Variants in SPATA7 observed in about 807,000 individuals in gnomAD.
The protein encoded by SPATA7 is spermatogenesis-associated protein 7.
A neutral mutation model predicts 51.8 loss-of-function variants in SPATA7; 43 were observed. The observed-to-expected ratio is 0.83, with a 90% CI of 0.65 to 1.07. The LOEUF (loss-of-function observed/expected upper bound fraction) is 1.07, where lower values mean the gene tolerates loss of function less well. Among genes scored for constraint, SPATA7 ranks in the 50% least tolerant of loss-of-function variants. The probability of loss-of-function intolerance (pLI) is 0.00; values close to 1 mark genes in which losing one functional copy is unlikely to be tolerated. For missense variants in SPATA7, 683 were observed against 701.3 expected, an observed-to-expected ratio of 0.97 and a Z score of 0.30; for synonymous variants, 230 against 252.8, an observed-to-expected ratio of 0.91 and a Z score of 0.86.
chr14:88,425,144 C>G (rs1003274225), intron 5 of SPATA7, among the ~76,000 whole-genome samples: 1 of 152,132 alleles, frequency 6.6e-6, no homozygotes, highest in Non-Finnish European at 1.5e-5. Context: ...AATAATTGTA[C>G]TACCTCTCAG....
chr14:88,429,257 C>G, intron 7 of SPATA7, 91 bp from the exon 8 acceptor site: 1 of 718,270 alleles, frequency 1.4e-6, no homozygotes, highest in South Asian at 1.5e-5. Flanking sequence ...CTGGATATCT[C>G]TGTTCAATCA....
At chr14:88,464,497 G>A (rs1287854221) in intron 4 of SPATA7, among the ~76,000 whole-genome samples, 2 of 152,050 alleles carry the variant, frequency 1.3e-5, no homozygotes, top group African/African-American at 2.4e-5. Context: ...TTGGGAGGCC[G>A]ATGCTGGCAG....
At chr14:88,461,851 G>A (rs963987852) in intron 4 of SPATA7, among the ~76,000 whole-genome samples, 2 of 152,128 alleles carry the variant, frequency 1.3e-5, no homozygotes, top group Non-Finnish European at 1.5e-5. Context: ...TCTTGGAACC[G>A]CAAACAGTAT....
chr14:88,400,011 C>A (rs1309706637), intron 4 of SPATA7, among the ~76,000 whole-genome samples: 1 of 152,136 alleles, frequency 6.6e-6, no homozygotes, highest in Non-Finnish European at 1.5e-5. Flanking sequence ...GACCTTTATA[C>A]CCTATTGAAG....
At chr14:88,434,662 G>T in intron 10 of SPATA7, among the ~76,000 whole-genome samples, 1 of 149,954 alleles carries the variant, frequency 6.7e-6, no homozygotes, top group Admixed American at 6.6e-5. Flanking sequence ...CTCCATCTTG[G>T]GCGACAGAGT....
At chr14:88,457,793 T>C (rs575734011), downstream of SPATA7, among the ~76,000 whole-genome samples, 5 of 152,278 alleles carry the variant, frequency 3.3e-5, no homozygotes, top group African/African-American at 7.2e-5. Flanking sequence ...GAGGGCATCT[T>C]TGTCTTGTGC....
intron 4 of SPATA7, among the ~76,000 whole-genome samples, chr14:88,403,571 A>G (rs1436431747): frequency 6.6e-6 from 1 of 152,190 alleles, no homozygotes; most frequent in Non-Finnish European, 1.5e-5. Context: ...AAATCCTGTC[A>G]TTTCTGTCAT....
Position 88,469,833 on chromosome 14 carries a change from C to G in SPATA7, c.255-14C>G, listed in dbSNP as rs777788817. On this transcript the variant is annotated splice_polypyrimidine_tract_variant and intron_variant, in intron 4 of 4. Coordinates refer to the SPATA7 transcript ENST00000556406. This position sits in a 1 kb window ranked among gnomAD's most constrained non-coding sequence, Gnocchi z 4.3. ...AAACAGAACCACAACCCTACCCTGC[C>G]TTTTTCTCCACAGGTCAGGATTCCA... is the stretch of plus-strand genomic sequence containing the variant. The G allele has an allele frequency of 1.9e-6, 3 of 1,605,544 alleles. No homozygotes were observed. Among genetic ancestry groups the G allele is most frequent in the Non-Finnish European group, 2.6e-6 (3 of 1,172,442 alleles).
chr14:88,458,823 A>G (rs997532822), downstream of SPATA7, among the ~76,000 whole-genome samples: 9 of 152,124 alleles, frequency 5.9e-5, no homozygotes, highest in Admixed American at 3.3e-4. Context: ...TAGGGTGTCA[A>G]TTTTACATCT....
intron 10 of SPATA7, among the ~76,000 whole-genome samples, chr14:88,433,579 C>T (rs1289264682): frequency 6.6e-6 from 1 of 152,012 alleles, no homozygotes; most frequent in African/African-American, 2.4e-5. Flanking sequence ...TTGGTGCAAC[C>T]ATTATTAGTA....
At chr14:88,434,557 C>T (rs907558394) in intron 10 of SPATA7, among the ~76,000 whole-genome samples, 10 of 151,776 alleles carry the variant, frequency 6.6e-5, no homozygotes, top group African/African-American at 9.7e-5. Flanking sequence ...TGGTGGTGCG[C>T]GCCTGTAGTC....
rs749702335 is a variant in SPATA7 at position 88,438,155 on chromosome 14, T to C, written c.1533T>C (p.Asp511=). 6.2e-6 allele frequency: 10 copies of C among 1,613,700 alleles called. No individual in the cohort carries two copies. The South Asian group carries it at 8.8e-5, about 14-fold the overall frequency. The change falls in exon 12 of 12, where the codon GAT becomes GAC. Residue 511 remains aspartate (D), a synonymous_variant. Coordinates refer to ENST00000393545, the MANE Select transcript of SPATA7 (RefSeq NM_018418.5). ...GGGTTATAATTCAACAGGTGAATGA[T>C]GAAACAAATCTTGAAACTTCAACTT... ...SEGVIIQQVN[D]ETNLETSTLD...
chr14:88,429,582 T>A, intron 8 of SPATA7, 119 bp downstream of exon 8: 3 of 601,640 alleles, frequency 5.0e-6, no homozygotes, highest in Non-Finnish European at 5.8e-6. Flanking sequence ...ATTTTGGTGT[T>A]ATGTAATTCA....
chr14:88,470,299 C>T (rs1401309653), exon 5 of SPATA7: 2 of 489,140 alleles, frequency 4.1e-6, no homozygotes, highest in Non-Finnish European at 3.6e-6. Context: ...ACCTGTTTAA[C>T]CTTGCTGAAT....
chr14:88,443,588 G>C (rs1241947617), intron 3 of SPATA7, among the ~76,000 whole-genome samples: 2 of 152,100 alleles, frequency 1.3e-5, no homozygotes, highest in East Asian at 1.9e-4. Flanking sequence ...CCCACTAACT[G>C]GTCATCTAGC....
At chr14:88,408,836 A>G (rs4570770) in intron 4 of SPATA7, among the ~76,000 whole-genome samples, 42,864 of 152,032 alleles carry the variant, frequency 0.28, 6,324 homozygotes, top group African/African-American at 0.36. Flanking sequence ...GAATTTTGTC[A>G]AAGGCCTTTT....
At chr14:88,419,914 C>T (rs2076594460) in intron 5 of SPATA7, among the ~76,000 whole-genome samples, 1 of 152,034 alleles carries the variant, frequency 6.6e-6, no homozygotes, top group African/African-American at 2.4e-5. Context: ...CCCACAGTGA[C>T]CCACACCCTT....
chr14:88,457,090 G>C (rs59714826), downstream of SPATA7, among the ~76,000 whole-genome samples: 1 of 152,068 alleles, frequency 6.6e-6, no homozygotes, highest in Non-Finnish European at 1.5e-5. Context: ...CTATATCTCT[G>C]TTTTGGTACC....
chr14:88,441,249 G>C (rs952137273), downstream of SPATA7, among the ~76,000 whole-genome samples: 1 of 151,892 alleles, frequency 6.6e-6, no homozygotes, highest in Non-Finnish European at 1.5e-5. Context: ...CTTGTTGATC[G>C]ATGGGCATAT....
Sources: allele counts gnomAD v4.1 joint callset (sites outside exome capture counted in the v4.1 genomes callset), GRCh38; gene constraint gnomAD v4.1.1; non-coding constraint Gnocchi (gnomAD v3.1); transcripts MANE v1.5; gene names NCBI Gene and HGNC (gene_info 2026-07-23, HGNC 2026-07-21).